Variants in SRPK2 observed in about 807,000 individuals in gnomAD.
The protein encoded by SRPK2 is SFRS protein kinase 2.
Under a neutral mutation model 90.8 loss-of-function variants are expected in SRPK2, and 21 were observed. That is an observed-to-expected ratio of 0.23 (90% CI 0.16 to 0.33). SRPK2 has a LOEUF of 0.33. Ranked by LOEUF, SRPK2 falls within the 10% of genes least tolerant of loss-of-function variation. The pLI, the probability that SRPK2 is intolerant of heterozygous loss-of-function variation, is 1.00. For missense variants in SRPK2, 620 were observed against 869.0 expected (o/e 0.71, Z 3.60); for synonymous variants, 288 against 311.1 (o/e 0.93, Z 0.78).
intron 2 of SRPK2, among the ~76,000 whole-genome samples, chr7:105,323,340 T>C (rs377479795): frequency 5.9e-5 from 9 of 152,326 alleles, no homozygotes; most frequent in African/African-American, 2.2e-4. Context: ...TAAAGCCTTC[T>C]GCAAACCCAA....
chr7:105,221,300 C>T (rs182495996), intron 2 of SRPK2, among the ~76,000 whole-genome samples: 1 of 152,330 alleles, frequency 6.6e-6, no homozygotes, highest in East Asian at 1.9e-4. Flanking sequence ...TAGTTAAAGG[C>T]ATAGTCTTAA....
chr7:105,384,806 T>C (rs1309479601), intron 2 of SRPK2, among the ~76,000 whole-genome samples: 1 of 151,778 alleles, frequency 6.6e-6, no homozygotes, highest in African/African-American at 2.4e-5. Context: ...TCACCCGGTT[T>C]CCCATGCACT....
intron 3 of SRPK2, among the ~76,000 whole-genome samples, chr7:105,199,565 T>C (rs1183400220): frequency 6.6e-6 from 1 of 152,158 alleles, no homozygotes; most frequent in Non-Finnish European, 1.5e-5. Flanking sequence ...GACATAGTGA[T>C]GGTGACTGGT....
chr7:105,180,627 G>A (rs1012369233), intron 3 of SRPK2, among the ~76,000 whole-genome samples: 13 of 152,184 alleles, frequency 8.5e-5, no homozygotes, highest in Admixed American at 2.6e-4. Context: ...GTGTGGTGGC[G>A]CATGCCTTTA....
intron 2 of SRPK2, among the ~76,000 whole-genome samples, chr7:105,313,552 C>A (rs1811966120): frequency 6.6e-6 from 1 of 151,758 alleles, no homozygotes; most frequent in Non-Finnish European, 1.5e-5. Flanking sequence ...GAGTTTGAAA[C>A]CAGCCTGGGT....
intron 2 of SRPK2, among the ~76,000 whole-genome samples, chr7:105,298,052 A>C (rs1249189988): frequency 6.6e-6 from 1 of 152,104 alleles, no homozygotes; most frequent in African/African-American, 2.4e-5. Context: ...TAATTTTTAT[A>C]TACAGTAATA....
At chr7:105,197,086 G>C (rs1051742411) in intron 3 of SRPK2, among the ~76,000 whole-genome samples, 20 of 151,906 alleles carry the variant, frequency 1.3e-4, no homozygotes, top group Admixed American at 1.3e-3. Flanking sequence ...TCATAGACTC[G>C]GAGGGTTGGG....
chr7:105,341,910 T>C (rs752866986), intron 2 of SRPK2, among the ~76,000 whole-genome samples: 3 of 151,836 alleles, frequency 2.0e-5, no homozygotes, highest in Non-Finnish European at 4.4e-5. Context: ...GAGGTTGTAG[T>C]GAGCCGAGAT....
chr7:105,387,202 T>TA (rs1411206903), intron 2 of SRPK2, among the ~76,000 whole-genome samples: 3 of 152,216 alleles, frequency 2.0e-5, no homozygotes, highest in Non-Finnish European at 2.9e-5. Context: ...TTTCTGAGTA[T>TA]AACAGACTAC....
intron 2 of SRPK2, among the ~76,000 whole-genome samples, chr7:105,364,830 T>C (rs187066633): frequency 6.6e-6 from 1 of 152,224 alleles, no homozygotes. Flanking sequence ...AGGGGCATTG[T>C]CCAAAATCAA....
chr7:105,383,304 T>C (rs1397690432), intron 2 of SRPK2, among the ~76,000 whole-genome samples: 2 of 151,482 alleles, frequency 1.3e-5, no homozygotes, highest in African/African-American at 4.9e-5. Context: ...CCTGACCTCG[T>C]GATCTGCCCA....
rs1808622639 is a variant in SRPK2, at chr7:105,289,261, A to G, written c.72-85476T>C. 3.3e-5 allele frequency among the ~76,000 whole-genome samples: 5 copies of G among 152,076 alleles called. No individual in the cohort carries two copies. The South Asian group carries it at 1.0e-3, about 32-fold the overall frequency. ...TGCACTCCAGCCTGGGCGACAGAAC[A>G]AGACTCTGTCTCAAAAAAAATAAAT... On this transcript the variant is annotated intron_variant, in intron 2 of 15. Coordinates refer to ENST00000393651, the MANE Select transcript of SRPK2 (RefSeq NM_182692.3).
intron 2 of SRPK2, among the ~76,000 whole-genome samples, chr7:105,218,061 GT>G (rs975773007): frequency 3.2e-4 from 48 of 152,292 alleles, no homozygotes; most frequent in Admixed American, 1.9e-3. Flanking sequence ...AGGAAAGGGC[GT>G]TCTAGGCAGG....
intron 2 of SRPK2, among the ~76,000 whole-genome samples, chr7:105,236,711 C>A (rs968998022): frequency 2.6e-5 from 4 of 151,892 alleles, no homozygotes; most frequent in African/African-American, 7.3e-5. Flanking sequence ...AGAGAGAAGA[C>A]AAGACAAGAG....
At chr7:105,153,205 T>C (rs1033602514) in intron 7 of SRPK2, among the ~76,000 whole-genome samples, 10 of 152,058 alleles carry the variant, frequency 6.6e-5, no homozygotes. Flanking sequence ...GCCAGGTTTC[T>C]CTGGGTAAAG....
intron 2 of SRPK2, among the ~76,000 whole-genome samples, chr7:105,352,808 G>A (rs911963340): frequency 3.9e-5 from 6 of 152,292 alleles, no homozygotes; most frequent in South Asian, 2.1e-4. Flanking sequence ...GGCTGAGGCA[G>A]GAGAATTGCT....
chr7:105,258,527 TG>T (rs1322586950), intron 2 of SRPK2, among the ~76,000 whole-genome samples: 1 of 151,884 alleles, frequency 6.6e-6, no homozygotes, highest in Non-Finnish European at 1.5e-5. Flanking sequence ...TAAATGACTA[TG>T]TTTTATCAGT....
chr7:105,245,110 GAAAT>G lies in SRPK2; in HGVS notation c.72-41329_72-41326del, dbSNP rs1385669745. 7.0e-5 allele frequency: 43 copies of G among 610,794 alleles called. 2 individuals are homozygous for G. The African/African-American group carries it at 7.3e-4, about 10-fold the overall frequency. The allele number at this position is 610,794 out of a possible 1,614,324, so 37.8% of individuals were successfully genotyped here. On this transcript the variant is annotated intron_variant, in intron 2 of 15. Coordinates refer to ENST00000393651, the MANE Select transcript of SRPK2 (RefSeq NM_182692.3). ...TAGTATTTCCTAACCAAGTGGGAAAGAAATAAAAATCTTTATTCAAATAAAATTT... is the reference window on the plus strand; with the variant it reads ...TAGTATTTCCTAACCAAGTGGGAAAGAAAAATCTTTATTCAAATAAAATTT...
chr7:105,186,322 A>G (rs575626595), intron 3 of SRPK2, among the ~76,000 whole-genome samples: 20 of 152,162 alleles, frequency 1.3e-4, no homozygotes, highest in Non-Finnish European at 2.5e-4. Context: ...CCCAATAGGT[A>G]ATTATCAAGC....
Sources: gnomAD v4.1 joint callset for allele counts (sites outside exome capture counted in the v4.1 genomes callset) on GRCh38, gnomAD v4.1.1 for gene constraint, MANE v1.5 for transcripts, NCBI Gene and HGNC (gene_info 2026-07-23, HGNC 2026-07-21) for gene names.